CLIC2: variants seen among roughly 807,000 people sequenced by gnomAD.
The protein encoded by CLIC2 is chloride intracellular channel protein 2.
A neutral mutation model predicts 14.8 loss-of-function variants in CLIC2; 9 were observed. The ratio of observed to expected loss-of-function variants is 0.61; its 90% CI spans 0.37 to 1.06. The LOEUF is 1.06. Among genes scored for constraint, CLIC2 ranks in the 50% least tolerant of loss-of-function variants. CLIC2 has a pLI of 0.01. For missense variants in CLIC2, 148 were observed against 181.4 expected, an observed-to-expected ratio of 0.82 and a Z score of 1.06; for synonymous variants, 61 against 66.3, an observed-to-expected ratio of 0.92 and a Z score of 0.39.
chrX:155,304,963 A>G (rs1210675634), intron 1 of CLIC2, among the ~76,000 whole-genome samples: 1 of 107,526 alleles, frequency 9.3e-6, no homozygotes, highest in African/African-American at 3.4e-5. Context: ...GCGTGCTGGG[A>G]GAACCACTGC....
At chrX:155,312,559 T>C (rs903149798) in intron 1 of CLIC2, among the ~76,000 whole-genome samples, 7 of 112,036 alleles carry the variant, frequency 6.2e-5, no homozygotes, top group African/African-American at 2.3e-4. Context: ...GCTGTTTTGG[T>C]AACCATAGCT....
At chrX:155,292,668 G>A (rs2074975944) in intron 3 of CLIC2, 5 of 287,680 alleles carry the variant, frequency 1.7e-5, no homozygotes, top group Admixed American at 1.2e-4. Flanking sequence ...TACTGGGGAG[G>A]CTGAGGCAGG....
In CLIC2 at chrX:155,328,292, G is replaced by C. The variant is rs188794304; in HGVS notation, c.57+6079C>G. Among the ~76,000 whole-genome samples the C allele has an allele frequency of 3.2e-3, 352 of 111,111 alleles. 7 individuals carry two copies. Among genetic ancestry groups the C allele is most frequent in the Admixed American group, 0.023 (243 of 10,413 alleles). ...CACTCCAATGAAAACTCTTAAAGTT[G>C]ATAAATTCAGTAAAGTTGCAGGTTA... is the stretch of plus-strand genomic sequence containing the variant. On this transcript the variant is annotated intron_variant, in intron 1 of 5. Transcript: ENST00000369449.
chrX:155,300,982 C>A (rs1295265709), intron 1 of CLIC2, among the ~76,000 whole-genome samples: 1 of 57,701 alleles, frequency 1.7e-5, no homozygotes, highest in Admixed American at 2.0e-4. Flanking sequence ...TTACTGTAGC[C>A]TTGTAGTATA....
chrX:155,295,328 TA>T (rs2074988455), intron 3 of CLIC2, among the ~76,000 whole-genome samples: 1 of 111,167 alleles, frequency 9.0e-6, no homozygotes, highest in African/African-American at 3.3e-5. Flanking sequence ...CCCTTCATGA[TA>T]AAACCTCTCA....
intron 1 of CLIC2, among the ~76,000 whole-genome samples, chrX:155,306,786 C>G (rs1472002417): frequency 9.1e-6 from 1 of 110,474 alleles, no homozygotes; most frequent in Non-Finnish European, 1.9e-5. Flanking sequence ...ACAACCAGAT[C>G]TCATGAGAAC....
intron 1 of CLIC2, among the ~76,000 whole-genome samples, chrX:155,305,643 T>C (rs1487854266): frequency 8.9e-6 from 1 of 112,903 alleles, no homozygotes; most frequent in Non-Finnish European, 1.9e-5. Flanking sequence ...CATATGGCCA[T>C]TGGCCATTTC....
At chrX:155,287,975 G>T (rs1054616713) in intron 3 of CLIC2, among the ~76,000 whole-genome samples, 1 of 111,594 alleles carries the variant, frequency 9.0e-6, no homozygotes, top group Non-Finnish European at 1.9e-5. Flanking sequence ...TCCTGAGTTA[G>T]CTGTATTCCC....
intron 1 of CLIC2, chrX:155,310,207 T>C (rs2075069057): frequency 8.0e-6 from 1 of 124,678 alleles, no homozygotes; most frequent in Non-Finnish European, 1.6e-5. Context: ...ATCTGGGTCA[T>C]GCTGATGCTT....
intron 3 of CLIC2, among the ~76,000 whole-genome samples, chrX:155,288,586 C>A (rs1430317577): frequency 1.8e-5 from 2 of 111,516 alleles, no homozygotes; most frequent in African/African-American, 6.5e-5. Context: ...ATTCTTAATG[C>A]AATAGTTTGG....
At chrX:155,324,873 G>C (rs1280605125) in intron 1 of CLIC2, among the ~76,000 whole-genome samples, 1 of 111,188 alleles carries the variant, frequency 9.0e-6, no homozygotes, top group East Asian at 2.8e-4. Flanking sequence ...ATCTGACAAG[G>C]GGCTAATATC....
intron 3 of CLIC2, among the ~76,000 whole-genome samples, chrX:155,295,230 C>T (rs925014829): frequency 9.0e-6 from 1 of 111,340 alleles, no homozygotes; most frequent in Non-Finnish European, 1.9e-5. Flanking sequence ...AATCAATAAC[C>T]TCAATATATG....
At chrX:155,286,746 T>A (rs1215779697) in intron 3 of CLIC2, among the ~76,000 whole-genome samples, 1 of 112,664 alleles carries the variant, frequency 8.9e-6, no homozygotes. Flanking sequence ...ACTAATGAGC[T>A]TTTTTCATAT....
chrX:155,280,213 T>C, intron 3 of CLIC2, 145 bp from the exon 4 acceptor site: 1 of 470,837 alleles, frequency 2.1e-6, no homozygotes, highest in South Asian at 3.2e-5. Context: ...TAGAAGTTTA[T>C]ATTTTTTCCA....
At chrX:155,309,425 C>T (rs1388303567) in intron 1 of CLIC2, 1 of 128,581 alleles carries the variant, frequency 7.8e-6, no homozygotes, top group Non-Finnish European at 1.6e-5. Context: ...GATACCAAAA[C>T]CAAAGACACA....
At chrX:155,312,434 A>C (rs190970386) in intron 1 of CLIC2, among the ~76,000 whole-genome samples, 4 of 111,638 alleles carry the variant, frequency 3.6e-5, no homozygotes, top group Admixed American at 2.9e-4. Context: ...CTTTTCCCCA[A>C]TGCTTGTTTT....
intron 1 of CLIC2, among the ~76,000 whole-genome samples, chrX:155,323,315 T>C (rs1429794309): frequency 8.9e-6 from 1 of 111,827 alleles, no homozygotes; most frequent in Non-Finnish European, 1.9e-5. Flanking sequence ...CAGCAGCACA[T>C]CAAAAAGCTT....
intron 1 of CLIC2, among the ~76,000 whole-genome samples, chrX:155,330,140 G>C (rs948051489): frequency 9.0e-6 from 1 of 110,988 alleles, no homozygotes; most frequent in African/African-American, 3.3e-5. Context: ...ACAATAAGGT[G>C]ACTGCAGTGA....
intron 1 of CLIC2, among the ~76,000 whole-genome samples, chrX:155,319,357 C>A (rs1226555015): frequency 1.8e-5 from 2 of 111,174 alleles, no homozygotes; most frequent in Non-Finnish European, 3.8e-5. Flanking sequence ...ACTGAGGTAC[C>A]CAGCTCATCT....
Sources: allele counts gnomAD v4.1 joint callset (sites outside exome capture counted in the v4.1 genomes callset), GRCh38; gene constraint gnomAD v4.1.1; transcripts MANE v1.5; gene names NCBI Gene and HGNC (gene_info 2026-07-23, HGNC 2026-07-21).